Variants in ENPP6 observed in about 807,000 individuals in gnomAD.
ENPP6 encodes glycerophosphocholine cholinephosphodiesterase ENPP6.
In ENPP6, 32 loss-of-function variants were observed where a neutral mutation model predicts 42.0. That is an observed-to-expected ratio of 0.76 (90% CI 0.58 to 1.02). ENPP6 has a LOEUF of 1.02. Ranked by LOEUF, ENPP6 falls within the 50% of genes least tolerant of loss-of-function variation. The pLI is 0.00. For synonymous variants in ENPP6, 213 were observed against 216.0 expected, an observed-to-expected ratio of 0.99 and a Z score of 0.12; for missense variants, 552 against 566.8, an observed-to-expected ratio of 0.97 and a Z score of 0.27.
intron 1 of ENPP6, among the ~76,000 whole-genome samples, chr4:184,209,271 G>C (rs1324392737): frequency 1.3e-5 from 2 of 150,496 alleles, no homozygotes; most frequent in Non-Finnish European, 3.0e-5. Context: ...GAAGGCTTCA[G>C]ACGATCAAAT....
At chr4:184,150,647 C>A (rs1737009065) in intron 2 of ENPP6, among the ~76,000 whole-genome samples, 1 of 152,238 alleles carries the variant, frequency 6.6e-6, no homozygotes, top group Non-Finnish European at 1.5e-5. Flanking sequence ...CCAGGGCACA[C>A]CTTGCTGGGC....
chr4:184,134,844 G>C (rs1341896401), intron 2 of ENPP6, among the ~76,000 whole-genome samples: 1 of 150,102 alleles, frequency 6.7e-6, no homozygotes, highest in African/African-American at 2.5e-5. Context: ...TTGTATGCCT[G>C]TTAATTTCCT....
chr4:184,199,213 C>G (rs980095719), intron 1 of ENPP6, among the ~76,000 whole-genome samples: 1 of 152,214 alleles, frequency 6.6e-6, no homozygotes, highest in African/African-American at 2.4e-5. Context: ...CTCCCTGATG[C>G]CTTGACGTGC....
At chr4:184,167,444 G>A (rs1168516181) in intron 1 of ENPP6, among the ~76,000 whole-genome samples, 1 of 152,162 alleles carries the variant, frequency 6.6e-6, no homozygotes, top group East Asian at 1.9e-4. Context: ...TCAAACAGAA[G>A]AGACTAGTTA....
chr4:184,162,777 C>T (rs577617804), intron 1 of ENPP6, among the ~76,000 whole-genome samples: 10 of 152,172 alleles, frequency 6.6e-5, no homozygotes, highest in Non-Finnish European at 8.8e-5. Flanking sequence ...TAGCACAATT[C>T]GAGATGGTCA....
chr4:184,183,330 G>A (rs1006189241), intron 1 of ENPP6, among the ~76,000 whole-genome samples: 29 of 152,310 alleles, frequency 1.9e-4, no homozygotes, highest in Admixed American at 5.2e-4. Flanking sequence ...CCTTTGCACC[G>A]CTGATGGAGT....
intron 2 of ENPP6, among the ~76,000 whole-genome samples, chr4:184,139,501 C>T (rs1736785166): frequency 1.7e-5 from 2 of 117,560 alleles, no homozygotes; most frequent in Non-Finnish European, 3.4e-5. Flanking sequence ...TGCTATCCCT[C>T]CCCCCTCCCC....
intron 6 of ENPP6, among the ~76,000 whole-genome samples, chr4:184,101,957 C>A (rs924206150): frequency 6.6e-6 from 1 of 152,188 alleles, no homozygotes; most frequent in African/African-American, 2.4e-5. Context: ...GCTTTCCTGC[C>A]GGTGCCTGCA....
Position 184,097,310 on chromosome 4 carries a change from C to A in ENPP6, c.1052G>T (p.Arg351Leu). 1.9e-6 allele frequency: 3 copies of A among 1,614,206 alleles called. No individual in the cohort carries two copies. Among genetic ancestry groups the A allele is most frequent in the Non-Finnish European group, 2.5e-6 (3 of 1,180,022 alleles). ...CTCGTTGTCGTAGCCGTGCCATCCA[C>A]GCTGCCAACCTTCCCGCCTGCCGGT... is the stretch of plus-strand genomic sequence containing the variant. ...NSTGRREGWQ[R>L]GWHGYDNELM... is the part of the protein sequence containing the mutation. The change falls in exon 7 of 8, where the codon CGT becomes CTT. Residue 351 changes from arginine (R) to leucine (L), a missense_variant. Transcript: ENST00000296741.
intron 5 of ENPP6, among the ~76,000 whole-genome samples, chr4:184,113,901 T>C (rs1321644228): frequency 1.6e-5 from 1 of 61,004 alleles, no homozygotes; most frequent in African/African-American, 6.3e-5. Context: ...TTTCTTTCTT[T>C]TCTTTCTTTC....
chr4:184,196,190 G>A (rs764399244), intron 1 of ENPP6, among the ~76,000 whole-genome samples: 9 of 152,186 alleles, frequency 5.9e-5, no homozygotes, highest in South Asian at 4.1e-4. Flanking sequence ...CAAGCTGTCC[G>A]GATCCTTCAG....
At position 184,097,267 on chromosome 4, in the gene ENPP6, G is replaced by T. The variant is rs370465711; in HGVS notation, c.1095C>A (p.Gly365=). The T allele has an allele frequency of 1.9e-5, 31 of 1,614,196 alleles. No individual in the cohort carries two copies. Among genetic ancestry groups the T allele is most frequent in the Non-Finnish European group, 2.5e-5 (30 of 1,180,032 alleles). The part of the protein sequence containing the change: ...GYDNELMDMR[G]IFLAFGPDFK... Reference sequence around the variant, plus strand: ...TACCAGGTCCGAAGGCCAGGAAGATGCCCCGCATGTCCATGAGCTCGTTGT... The same window carrying T: ...TACCAGGTCCGAAGGCCAGGAAGATTCCCCGCATGTCCATGAGCTCGTTGT... The change falls in exon 7 of 8, where the codon GGC becomes GGA. Residue 365 remains glycine (G), a synonymous_variant. Transcript: ENST00000296741.
chr4:184,186,130 A>C (rs748265080), intron 1 of ENPP6, among the ~76,000 whole-genome samples: 6 of 152,222 alleles, frequency 3.9e-5, no homozygotes, highest in Admixed American at 1.3e-4. Context: ...TAAAGCGTAC[A>C]TAGATATTCA....
intron 2 of ENPP6, among the ~76,000 whole-genome samples, chr4:184,147,840 T>C (rs6819067): frequency 0.026 from 3,922 of 149,388 alleles, 150 homozygotes; most frequent in African/African-American, 0.087. Context: ...TCTTAGAGCC[T>C]GGCCTGGCCT....
chr4:184,211,834 C>T (rs1443239376), intron 1 of ENPP6, among the ~76,000 whole-genome samples: 1 of 151,538 alleles, frequency 6.6e-6, no homozygotes, highest in Non-Finnish European at 1.5e-5. Context: ...ATGCAAAAAT[C>T]CTCAATAAAA....
At chr4:184,209,137 A>C (rs1733065852) in intron 1 of ENPP6, among the ~76,000 whole-genome samples, 1 of 151,324 alleles carries the variant, frequency 6.6e-6, no homozygotes, top group South Asian at 2.1e-4. Flanking sequence ...AGATGGGGAA[A>C]AAACAGAACA....
chr4:184,100,643 G>A (rs4426828), intron 6 of ENPP6, among the ~76,000 whole-genome samples: 51,853 of 152,072 alleles, frequency 0.34, 10,684 homozygotes, highest in East Asian at 0.6. Flanking sequence ...GGAAGCACCC[G>A]GTTCTCCTGC....
intron 6 of ENPP6, among the ~76,000 whole-genome samples, chr4:184,107,906 C>A (rs187002100): frequency 8.9e-5 from 13 of 145,460 alleles, no homozygotes; most frequent in Non-Finnish European, 1.5e-4. Flanking sequence ...CAGAGCAAGA[C>A]TCAGTCTCAA....
chr4:184,116,456 C>T (rs777970766), intron 5 of ENPP6, among the ~76,000 whole-genome samples: 3 of 152,100 alleles, frequency 2.0e-5, no homozygotes, highest in Non-Finnish European at 2.9e-5. Flanking sequence ...AAGGAAAGGC[C>T]GGGCGTGGTG....
Sources: gnomAD v4.1 joint callset for allele counts (sites outside exome capture counted in the v4.1 genomes callset) on GRCh38, gnomAD v4.1.1 for gene constraint, MANE v1.5 for transcripts, NCBI Gene and HGNC (gene_info 2026-07-23, HGNC 2026-07-21) for gene names.